ADGRL3: variants seen among roughly 807,000 people sequenced by gnomAD.
The protein encoded by ADGRL3 is adhesion G protein-coupled receptor L3.
A neutral mutation model predicts 153.5 loss-of-function variants in ADGRL3; 62 were observed. That is an observed-to-expected ratio of 0.40 (90% CI 0.33 to 0.50). The LOEUF is 0.50. Among genes scored for constraint, ADGRL3 ranks in the 20% least tolerant of loss-of-function variants. ADGRL3 has a pLI of 0.47. For synonymous variants in ADGRL3, 710 were observed against 672.5 expected (o/e 1.06, Z -0.86); for missense variants, 1,641 against 1,859.4 (o/e 0.88, Z 2.16).
intron 1 of ADGRL3, among the ~76,000 whole-genome samples, chr4:61,291,034 G>C (rs1013052983): frequency 1.3e-5 from 2 of 152,008 alleles, no homozygotes; most frequent in Admixed American, 1.3e-4. Context: ...GAAAGGGTAA[G>C]TTACAAATTG....
intron 1 of ADGRL3, among the ~76,000 whole-genome samples, chr4:61,337,329 C>T (rs1406381252): frequency 6.6e-6 from 1 of 152,172 alleles, no homozygotes; most frequent in Non-Finnish European, 1.5e-5. Flanking sequence ...TGTCAGCAGA[C>T]AAGTGACAGT....
intron 21 of ADGRL3, among the ~76,000 whole-genome samples, chr4:62,011,699 T>G (rs566535508): frequency 6.6e-6 from 1 of 152,292 alleles, no homozygotes; most frequent in Non-Finnish European, 1.5e-5. Context: ...AGCATGTCTT[T>G]TTTTGTTTGT....
At chr4:61,640,537 A>G (rs144487572) in intron 5 of ADGRL3, among the ~76,000 whole-genome samples, 10 of 152,158 alleles carry the variant, frequency 6.6e-5, no homozygotes, top group African/African-American at 2.4e-4. Flanking sequence ...CTTTTGATTT[A>G]TTTATCCATA....
chr4:61,895,454 A>G (rs533299526), intron 10 of ADGRL3, among the ~76,000 whole-genome samples: 52 of 136,118 alleles, frequency 3.8e-4, no homozygotes, highest in East Asian at 1.9e-3. Context: ...CAACAGAACA[A>G]GACTCCATCT....
chr4:61,642,212 G>A lies in ADGRL3; in HGVS notation c.474-34614G>A, dbSNP rs201554662. Reference sequence around the variant, plus strand: ...GCCCTTTGTCAGATGAGTAGGTTGCGAAAATTTTCTCCCATTTTGTAGGTT... The same window carrying A: ...GCCCTTTGTCAGATGAGTAGGTTGCAAAAATTTTCTCCCATTTTGTAGGTT... On this transcript the variant is annotated intron_variant, in intron 5 of 26. Transcript: ENST00000683033. 0.015 allele frequency among the ~76,000 whole-genome samples: 2,339 copies of A among 151,310 alleles called. 194 individuals carry two copies. The East Asian group carries it at 0.24, about 15-fold the overall frequency.
rs548011507 is a variant in ADGRL3 at position 61,316,923 on chromosome 4, A to C, written c.-239-66201A>C. On this transcript the variant is annotated intron_variant, in intron 1 of 26. Transcript: ENST00000683033. ...CATGTCTGGAAACTATGTAAAAAGGAAATAAGGAATTTTAGGCTACTTTTC... is the reference window on the plus strand; with the variant it reads ...CATGTCTGGAAACTATGTAAAAAGGCAATAAGGAATTTTAGGCTACTTTTC... Among the ~76,000 whole-genome samples the C allele has an allele frequency of 2.3e-3, 348 of 152,284 alleles. 5 individuals carry two copies. The highest frequency in any genetic ancestry group is 8.0e-3 in the African/African-American group (333 of 41,574).
chr4:62,021,038 C>T (rs2099235650), intron 21 of ADGRL3, among the ~76,000 whole-genome samples: 2 of 151,758 alleles, frequency 1.3e-5, no homozygotes, highest in South Asian at 4.2e-4. Flanking sequence ...ACAGTGTCTC[C>T]TTCATCTTCT....
intron 1 of ADGRL3, among the ~76,000 whole-genome samples, chr4:61,355,998 G>T (rs900420347): frequency 6.6e-6 from 1 of 151,870 alleles, no homozygotes; most frequent in Non-Finnish European, 1.5e-5. Flanking sequence ...ATCCATATAC[G>T]GTAGGGATGC....
intron 5 of ADGRL3, among the ~76,000 whole-genome samples, chr4:61,638,505 TA>T (rs772391537): frequency 1.4e-4 from 21 of 152,148 alleles, no homozygotes; most frequent in East Asian, 5.8e-4. Context: ...TAATTTGCAA[TA>T]AAAAAAGAAA....
At chr4:61,360,556 T>C (rs2096267525) in intron 1 of ADGRL3, among the ~76,000 whole-genome samples, 1 of 152,168 alleles carries the variant, frequency 6.6e-6, no homozygotes. Flanking sequence ...AATAAAATAT[T>C]TTCTTTTAAT....
rs561842311 is a variant in ADGRL3, at chr4:61,323,922, A to G, written c.-239-59202A>G. 4.7e-4 allele frequency among the ~76,000 whole-genome samples: 72 copies of G among 152,204 alleles called. 1 individual carries two copies. Among genetic ancestry groups the G allele is most frequent in the Non-Finnish European group, 9.7e-4 (66 of 68,040 alleles). ...TCACACTGCTGATAAGACATACTCA[A>G]GACTGGGCAATTTACAAAAGGAAGA... On this transcript the variant is annotated intron_variant, in intron 1 of 26. Coordinates refer to ENST00000683033, the MANE Select transcript of ADGRL3 (RefSeq NM_001387552.1).
At chr4:61,647,585 A>G (rs372748565) in intron 5 of ADGRL3, among the ~76,000 whole-genome samples, 6 of 152,164 alleles carry the variant, frequency 3.9e-5, no homozygotes, top group East Asian at 3.9e-4. Context: ...AGATTTTTAG[A>G]GGATTATGAG....
At chr4:61,359,817 C>T (rs1443674263) in intron 1 of ADGRL3, among the ~76,000 whole-genome samples, 2 of 152,114 alleles carry the variant, frequency 1.3e-5, no homozygotes, top group Non-Finnish European at 2.9e-5. Flanking sequence ...ATGCCTAGCA[C>T]ATGGAAACAG....
At chr4:61,834,107 C>T (rs1000674844) in intron 9 of ADGRL3, among the ~76,000 whole-genome samples, 3 of 139,862 alleles carry the variant, frequency 2.1e-5, no homozygotes, top group African/African-American at 5.3e-5. Flanking sequence ...CTCCCCCCTC[C>T]CCCCTTCCCC....
chr4:61,717,834 G>C (rs978269328), intron 6 of ADGRL3, among the ~76,000 whole-genome samples: 46 of 152,014 alleles, frequency 3.0e-4, no homozygotes, highest in African/African-American at 1.1e-3. Flanking sequence ...AGGAGTTCGA[G>C]ATCAGCCTGG....
Position 62,007,319 on chromosome 4 carries a change from C to T in ADGRL3, c.3395+9054C>T, listed in dbSNP as rs1331301896. 2.2e-5 allele frequency among the ~76,000 whole-genome samples: 3 copies of T among 134,710 alleles called. No homozygotes were observed. In the East Asian group the frequency reaches 6.6e-4, roughly 30 times the overall value. The allele number at this position is 134,710 out of a possible 152,430, so 88.4% of individuals were successfully genotyped here. ...AGGGGCTGTGGGAACAGGACATTCT[C>T]AACATTTGCAGAGCTCAGGGCAAGA... On this transcript the variant is annotated intron_variant, in intron 21 of 26. Coordinates refer to ENST00000683033, the MANE Select transcript of ADGRL3 (RefSeq NM_001387552.1).
intron 1 of ADGRL3, among the ~76,000 whole-genome samples, chr4:61,213,205 G>A (rs1740946247): frequency 6.6e-6 from 1 of 152,120 alleles, no homozygotes; most frequent in Non-Finnish European, 1.5e-5. Flanking sequence ...GTCTGTATGA[G>A]GGACTCATAG....
At chr4:61,234,302 G>C (rs1046840153) in intron 1 of ADGRL3, among the ~76,000 whole-genome samples, 4 of 152,098 alleles carry the variant, frequency 2.6e-5, no homozygotes, top group Non-Finnish European at 5.9e-5. Context: ...TGAGAAATAA[G>C]CAAAAGTGGA....
chr4:61,909,562 G>T lies in ADGRL3; in HGVS notation c.1890G>T (p.Leu630Phe), dbSNP rs1209974651. ...TGTATTCCATTTAAAAATTATAGTTGAAATCTGGTGAAACAGCTGCCAACA... is the reference window on the plus strand; with the variant it reads ...TGTATTCCATTTAAAAATTATAGTTTAAATCTGGTGAAACAGCTGCCAACA... Reference protein sequence around the residue: ...SPWVNHITQKLKSGETAANIA... With the variant: ...SPWVNHITQKFKSGETAANIA... Residue 630 changes from leucine (L) to phenylalanine (F), a missense_variant and splice_region_variant, in exon 12 of 27, where the codon TTG becomes TTT. Around this residue, in one of 5 missense-constraint regions of ADGRL3, gnomAD observed 734 missense variants for 797.0 expected, o/e 0.92. Coordinates refer to ENST00000683033, the MANE Select transcript of ADGRL3 (RefSeq NM_001387552.1). 6.2e-7 allele frequency: 1 copy of T among 1,609,066 alleles called. No homozygotes were observed. The highest frequency in any genetic ancestry group is 1.7e-5 in the Admixed American group (1 of 59,268).
Sources: allele counts gnomAD v4.1 joint callset (sites outside exome capture counted in the v4.1 genomes callset), GRCh38; gene constraint gnomAD v4.1.1; regional missense constraint gnomAD v4.1.1; transcripts MANE v1.5; gene names NCBI Gene and HGNC (gene_info 2026-07-23, HGNC 2026-07-21).